IFT122: variants seen among roughly 807,000 people sequenced by gnomAD.
The protein encoded by IFT122 is intraflagellar transport 122.
A neutral mutation model predicts 161.6 loss-of-function variants in IFT122; 118 were observed. The ratio of observed to expected loss-of-function variants is 0.73; its 90% CI spans 0.63 to 0.85. IFT122 has a LOEUF of 0.85. IFT122 is among the 40% of genes least tolerant of loss of function. The pLI, the probability that IFT122 is intolerant of heterozygous loss-of-function variation, is 0.00. For missense variants in IFT122, 1,381 were observed against 1,579.6 expected (o/e 0.87, Z 2.13); for synonymous variants, 550 against 602.4 (o/e 0.91, Z 1.27).
intron 9 of IFT122, among the ~76,000 whole-genome samples, chr3:129,472,885 G>C (rs955893835): frequency 7.2e-5 from 11 of 151,952 alleles, no homozygotes; most frequent in Admixed American, 2.6e-4. Context: ...GTGTGTATTT[G>C]TTTCAGTTAT....
intron 26 of IFT122, among the ~76,000 whole-genome samples, chr3:129,517,194 TAC>T (rs66573154): frequency 5.4e-5 from 4 of 73,746 alleles, no homozygotes; most frequent in Non-Finnish European, 1.1e-4. Flanking sequence ...AGACTGCCCC[TAC>T]ACACACACAC....
intron 12 of IFT122, among the ~76,000 whole-genome samples, chr3:129,479,186 C>A (rs897456348): frequency 2.7e-5 from 4 of 149,570 alleles, no homozygotes; most frequent in Non-Finnish European, 5.9e-5. Flanking sequence ...CTTTGGGAGG[C>A]CAAGGCAGGA....
At chr3:129,451,866 T>G (rs1311127374) in intron 2 of IFT122, 48 bp from the exon 3 acceptor site, 1 of 1,469,528 alleles carries the variant, frequency 6.8e-7, no homozygotes, top group Admixed American at 1.7e-5. Flanking sequence ...GCAGGAATTC[T>G]GACTAATAGA....
intron 20 of IFT122, 64 bp from the exon 21 acceptor site, chr3:129,504,255 T>C: frequency 1.5e-6 from 2 of 1,318,018 alleles, no homozygotes; most frequent in Non-Finnish European, 1.1e-6. Context: ...TTCAGCCAAG[T>C]ACAGTGTTTT....
intron 13 of IFT122, 50 bp from the exon 14 acceptor site, chr3:129,481,480 G>A: frequency 7.2e-7 from 1 of 1,396,140 alleles, no homozygotes; most frequent in Non-Finnish European, 1.0e-6. Flanking sequence ...CAGTGGGCCA[G>A]GATCTTGTTG....
intron 1 of IFT122, among the ~76,000 whole-genome samples, chr3:129,449,604 G>A (rs1559837027): frequency 2.0e-5 from 3 of 152,204 alleles, no homozygotes; most frequent in Non-Finnish European, 4.4e-5. Flanking sequence ...ACCCTCAACA[G>A]TTGACCCTTT....
At chr3:129,514,087 G>A (rs2083167756) in intron 24 of IFT122, 2 of 445,456 alleles carry the variant, frequency 4.5e-6, no homozygotes, top group East Asian at 5.0e-5. Flanking sequence ...GGTGAGGCAG[G>A]AAGAGCCATT....
At chr3:129,453,840 G>T (rs1038584491) in intron 3 of IFT122, among the ~76,000 whole-genome samples, 7 of 148,652 alleles carry the variant, frequency 4.7e-5, no homozygotes, top group African/African-American at 1.8e-4. Flanking sequence ...CACAGCATAG[G>T]ATTAGTGGGA....
chr3:129,460,953 A>G, intron 4 of IFT122: 1 of 1,609,478 alleles, frequency 6.2e-7, no homozygotes, highest in Non-Finnish European at 8.5e-7. Flanking sequence ...CTAAAGGCCA[A>G]GGTGGGAGGA....
chr3:129,461,188 T>C, intron 4 of IFT122, 40 bp from the exon 5 acceptor site: 1 of 1,489,994 alleles, frequency 6.7e-7, no homozygotes, highest in Non-Finnish European at 9.4e-7. Flanking sequence ...GAAATCTTTG[T>C]GGTTTGCTGC....
chr3:129,505,032 G>C (rs907259610), intron 21 of IFT122, among the ~76,000 whole-genome samples: 1 of 152,214 alleles, frequency 6.6e-6, no homozygotes, highest in Non-Finnish European at 1.5e-5. Flanking sequence ...TGAAATAGGA[G>C]TTAAAGCAAG....
chr3:129,448,696 TA>T (rs1323334232), intron 1 of IFT122, among the ~76,000 whole-genome samples: 34 of 149,338 alleles, frequency 2.3e-4, no homozygotes, highest in South Asian at 4.3e-4. Context: ...TTTATTTATT[TA>T]TTTTTTTTTT....
rs747048238 is a variant in IFT122, at chr3:129,495,565, G to A, written c.2166G>A (p.Ala722=). The A allele has an allele frequency of 1.2e-5, 19 of 1,614,054 alleles. No individual in the cohort carries two copies. The highest frequency in any genetic ancestry group is 3.3e-5 in the Admixed American group (2 of 60,002). ...LYKRSGHENL[A]LEMYTDLCMF... ...AGAGGAGTGGGCACGAGAACCTCGC[G>A]CTTGAAATGTACACCGACCTCTGCA... is the stretch of plus-strand genomic sequence containing the variant. Residue 722 remains alanine, a synonymous_variant, in exon 18 of 30, where the codon GCG becomes GCA. Coordinates refer to ENST00000348417, the MANE Select transcript of IFT122 (RefSeq NM_052989.3).
chr3:129,507,821 G>A, intron 23 of IFT122, 59 bp downstream of exon 23: 1 of 1,293,402 alleles, frequency 7.7e-7, no homozygotes, highest in Non-Finnish European at 1.1e-6. Context: ...GGGGTCCCGG[G>A]CATATCTAAA....
At chr3:129,507,880 G>A (rs2082348849) in intron 23 of IFT122, 118 bp downstream of exon 23, 2 of 805,828 alleles carry the variant, frequency 2.5e-6, no homozygotes, top group Admixed American at 1.9e-5. Flanking sequence ...GTGAACTGCT[G>A]AGGAATCTTG....
chr3:129,466,814 C>G, intron 7 of IFT122, 76 bp from the exon 8 acceptor site: 1 of 1,479,682 alleles, frequency 6.8e-7, no homozygotes, highest in South Asian at 1.1e-5. Context: ...CCAGGGGCTC[C>G]TTGCCAGGAT....
At chr3:129,465,160 T>TGTGG (rs1427340645) in intron 7 of IFT122, among the ~76,000 whole-genome samples, 1 of 135,678 alleles carries the variant, frequency 7.4e-6, no homozygotes, top group Non-Finnish European at 1.6e-5. Context: ...TGTGTGTGTG[T>TGTGG]GGTGTGTGAG....
chr3:129,481,708 G>A lies in IFT122; in HGVS notation c.1653+14G>A, dbSNP rs761571922. The A allele has an allele frequency of 6.2e-7, 1 of 1,613,462 alleles. No individual in the cohort carries two copies. The highest frequency in any genetic ancestry group is 1.1e-5 in the South Asian group (1 of 91,028). ...CTGCTTTTTCAGGTGAAGTCCCTGA[G>A]GGGGCCCAGGGACATCATCCTTTGA... On this transcript the variant is annotated intron_variant, in intron 14 of 29. Transcript: ENST00000348417.
intron 27 of IFT122, among the ~76,000 whole-genome samples, chr3:129,517,966 G>A (rs768443169): frequency 1.3e-5 from 2 of 152,192 alleles, no homozygotes; most frequent in Non-Finnish European, 2.9e-5. Context: ...AGTCACTTTC[G>A]CATGCAAGTG....
Sources: gnomAD v4.1 joint callset for allele counts (sites outside exome capture counted in the v4.1 genomes callset) on GRCh38, gnomAD v4.1.1 for gene constraint, MANE v1.5 for transcripts, NCBI Gene and HGNC (gene_info 2026-07-23, HGNC 2026-07-21) for gene names.